TCF7L1: variants seen among roughly 807,000 people sequenced by gnomAD.
TCF7L1 encodes transcription factor 7 like 1.
A neutral mutation model predicts 63.7 loss-of-function variants in TCF7L1; 18 were observed. The ratio of observed to expected loss-of-function variants is 0.28; its 90% CI spans 0.20 to 0.42. The LOEUF (loss-of-function observed/expected upper bound fraction) is 0.42, where lower values mean the gene tolerates loss of function less well. Among genes scored for constraint, TCF7L1 ranks in the 10% least tolerant of loss-of-function variants. TCF7L1 has a pLI of 1.00. For synonymous variants in TCF7L1, 355 were observed against 340.9 expected (o/e 1.04, Z -0.46); for missense variants, 654 against 779.3 (o/e 0.84, Z 1.91).
chr2:85,288,285 A>G (rs1558657287), intron 4 of TCF7L1, among the ~76,000 whole-genome samples: 2 of 152,116 alleles, frequency 1.3e-5, no homozygotes, highest in Non-Finnish European at 2.9e-5. Flanking sequence ...TGCGGCTGGT[A>G]TCTTAGTTTT....
At chr2:85,280,134 C>T (rs1186985255) in intron 3 of TCF7L1, among the ~76,000 whole-genome samples, 1 of 152,184 alleles carries the variant, frequency 6.6e-6, no homozygotes, top group Non-Finnish European at 1.5e-5. Flanking sequence ...TCCTTGGCCA[C>T]TAGAGCAGTG....
At chr2:85,249,250 A>G (rs1680537624) in intron 3 of TCF7L1, among the ~76,000 whole-genome samples, 1 of 152,208 alleles carries the variant, frequency 6.6e-6, no homozygotes, top group African/African-American at 2.4e-5. Context: ...AGCTGCTGCC[A>G]CTGCCGCTAC....
At chr2:85,209,939 T>C (rs1247038970) in intron 3 of TCF7L1, among the ~76,000 whole-genome samples, 1 of 152,198 alleles carries the variant, frequency 6.6e-6, no homozygotes, top group African/African-American at 2.4e-5. Context: ...TTTCATTTTT[T>C]AGCAGGGATC....
chr2:85,301,989 G>A (rs572935717), intron 4 of TCF7L1, among the ~76,000 whole-genome samples: 3 of 152,132 alleles, frequency 2.0e-5, no homozygotes, highest in East Asian at 1.9e-4. Context: ...TTAGCCAGGC[G>A]TGATGGCAGA....
chr2:85,204,898 C>G (rs370381553), intron 3 of TCF7L1: 1 of 111,318 alleles, frequency 9.0e-6, no homozygotes, highest in Non-Finnish European at 1.9e-5. Context: ...TGTTTTTTTT[C>G]TTTAGTCTAT....
intron 3 of TCF7L1, among the ~76,000 whole-genome samples, chr2:85,182,483 G>A (rs1359593022): frequency 6.6e-6 from 1 of 152,188 alleles, no homozygotes; most frequent in Non-Finnish European, 1.5e-5. Context: ...AGACTGTGAA[G>A]GAATGAATGA....
At chr2:85,173,072 C>T (rs997937238) in intron 3 of TCF7L1, among the ~76,000 whole-genome samples, 3 of 152,210 alleles carry the variant, frequency 2.0e-5, no homozygotes, top group Non-Finnish European at 4.4e-5. Flanking sequence ...TTTAAAAGAT[C>T]GAAATTTCCC....
chr2:85,274,465 C>A lies in TCF7L1; in HGVS notation c.442-9030C>A, dbSNP rs1039561136. Among the ~76,000 whole-genome samples the A allele has an allele frequency of 2.0e-4, 31 of 152,146 alleles. 1 individual carries two copies. Among genetic ancestry groups the A allele is most frequent in the Admixed American group, 1.3e-4 (2 of 15,278 alleles). On this transcript the variant is annotated intron_variant, in intron 3 of 11. Transcript: ENST00000282111. Reference sequence around the variant, plus strand: ...CCTAGCCAAGTGTCCGGCTCTCCATCAAGACCTCAAGCAGGCCCACGTCAG... The same window carrying A: ...CCTAGCCAAGTGTCCGGCTCTCCATAAAGACCTCAAGCAGGCCCACGTCAG...
chr2:85,144,417 C>CAA (rs55964315), intron 3 of TCF7L1, among the ~76,000 whole-genome samples: 1,876 of 94,898 alleles, frequency 0.02, 48 homozygotes, highest in African/African-American at 0.066. Context: ...CCTGTCTCTA[C>CAA]AAAAAAAAAA....
At chr2:85,235,061 T>A (rs1474170507) in intron 3 of TCF7L1, among the ~76,000 whole-genome samples, 1 of 152,132 alleles carries the variant, frequency 6.6e-6, no homozygotes, top group African/African-American at 2.4e-5. Context: ...CTCAATTGTG[T>A]GTAAGTGGCT....
intron 6 of TCF7L1, 38 bp from the exon 7 acceptor site, chr2:85,304,217 T>C: frequency 6.3e-7 from 1 of 1,592,932 alleles, no homozygotes; most frequent in Non-Finnish European, 8.6e-7. Flanking sequence ...TGCCCTGAGC[T>C]TTCCCAATAT....
At chr2:85,155,064 C>T (rs536795998) in intron 3 of TCF7L1, among the ~76,000 whole-genome samples, 1 of 152,294 alleles carries the variant, frequency 6.6e-6, no homozygotes, top group African/African-American at 2.4e-5. Context: ...ATCCTCCTGC[C>T]CTGGCCTCCC....
At chr2:85,202,716 C>T (rs1229214852) in intron 3 of TCF7L1, among the ~76,000 whole-genome samples, 2 of 152,162 alleles carry the variant, frequency 1.3e-5, no homozygotes, top group Non-Finnish European at 2.9e-5. Context: ...GAGCAGGCCA[C>T]GGGGCTTGGG....
At chr2:85,264,610 A>G (rs1019750132) in intron 3 of TCF7L1, among the ~76,000 whole-genome samples, 26 of 152,336 alleles carry the variant, frequency 1.7e-4, no homozygotes, top group Admixed American at 1.7e-3. Context: ...TGCACAGGCT[A>G]TGCCTAGAAT....
intron 3 of TCF7L1, among the ~76,000 whole-genome samples, chr2:85,143,517 C>T (rs1677794308): frequency 6.6e-6 from 1 of 152,224 alleles, no homozygotes; most frequent in Non-Finnish European, 1.5e-5. Flanking sequence ...TTTTTCATAG[C>T]TTCTAACCTG....
chr2:85,249,051 G>A (rs1469875051), intron 3 of TCF7L1, among the ~76,000 whole-genome samples: 4 of 151,754 alleles, frequency 2.6e-5, no homozygotes, highest in South Asian at 4.2e-4. Context: ...TTGGTTTTCC[G>A]TCTCTTGTAA....
At chr2:85,144,329 CCCA>C (rs567316216) in intron 3 of TCF7L1, among the ~76,000 whole-genome samples, 70 of 151,586 alleles carry the variant, frequency 4.6e-4, no homozygotes, top group African/African-American at 1.6e-3. Flanking sequence ...GCCTGTAATC[CCCA>C]CACTTTGGGA....
At chr2:85,288,067 C>CTG (rs1681605133) in intron 4 of TCF7L1, among the ~76,000 whole-genome samples, 2 of 152,130 alleles carry the variant, frequency 1.3e-5, no homozygotes, top group Admixed American at 6.5e-5. Flanking sequence ...CTACTCCCAG[C>CTG]GTCACCACCA....
intron 3 of TCF7L1, among the ~76,000 whole-genome samples, chr2:85,251,697 T>G (rs961700462): frequency 1.3e-5 from 2 of 152,168 alleles, no homozygotes; most frequent in African/African-American, 2.4e-5. Context: ...GGCATCTGAT[T>G]GAGAAAATGT....
Sources: gnomAD v4.1 joint callset for allele counts (sites outside exome capture counted in the v4.1 genomes callset) on GRCh38, gnomAD v4.1.1 for gene constraint, MANE v1.5 for transcripts, NCBI Gene and HGNC (gene_info 2026-07-23, HGNC 2026-07-21) for gene names.